The following WDFY2 variants were observed in gnomAD, a reference collection of about 807,000 sequenced individuals.
The protein encoded by WDFY2 is WD repeat and FYVE domain containing 2.
In WDFY2, 36 loss-of-function variants were observed where a neutral mutation model predicts 56.4. The observed-to-expected ratio is 0.64, with a 90% confidence interval of 0.49 to 0.84. The LOEUF is 0.84. WDFY2 is among the 40% of genes least tolerant of loss of function. The pLI is 0.00. For synonymous variants in WDFY2, 176 were observed against 183.7 expected, an observed-to-expected ratio of 0.96 and a Z score of 0.34; for missense variants, 444 against 512.2, an observed-to-expected ratio of 0.87 and a Z score of 1.29.
intron 1 of WDFY2, among the ~76,000 whole-genome samples, chr13:51,660,201 T>C (rs1317011988): frequency 7.2e-5 from 11 of 151,988 alleles, no homozygotes; most frequent in African/African-American, 2.7e-4. Flanking sequence ...TCTCTCTCTC[T>C]TATGTTTTTT....
intron 6 of WDFY2, among the ~76,000 whole-genome samples, chr13:51,734,168 A>G (rs1566201664): frequency 2.0e-5 from 3 of 152,118 alleles, no homozygotes; most frequent in African/African-American, 7.2e-5. Context: ...GCAGTTTCCA[A>G]CCCTGATTTT....
chr13:51,619,170 AGG>A (rs1473947777), intron 1 of WDFY2, among the ~76,000 whole-genome samples: 9 of 152,184 alleles, frequency 5.9e-5, no homozygotes. Flanking sequence ...AAAGAACTCG[AGG>A]CTGCATGTGG....
chr13:51,719,111 G>A, intron 4 of WDFY2, 87 bp from the exon 5 acceptor site: 1 of 1,563,090 alleles, frequency 6.4e-7, no homozygotes, highest in South Asian at 1.1e-5. Flanking sequence ...GGGGTGGGGA[G>A]AAGAGAATGG....
At chr13:51,661,304 T>C (rs1320853332) in intron 2 of WDFY2, among the ~76,000 whole-genome samples, 1 of 152,226 alleles carries the variant, frequency 6.6e-6, no homozygotes, top group Non-Finnish European at 1.5e-5. Flanking sequence ...CTTTTTAGTC[T>C]AGTCTTTTAT....
At chr13:51,739,229 G>A in intron 7 of WDFY2, 54 bp downstream of exon 7, 1 of 1,525,292 alleles carries the variant, frequency 6.6e-7, no homozygotes. Context: ...TCAGCTGACA[G>A]CTAGAACAAA....
chr13:51,695,355 T>G (rs887738801), intron 3 of WDFY2, among the ~76,000 whole-genome samples: 3 of 152,148 alleles, frequency 2.0e-5, no homozygotes, highest in Non-Finnish European at 2.9e-5. Context: ...TACAGATGGG[T>G]TTTTGGTGTG....
At chr13:51,743,592 C>T (rs915486274) in intron 7 of WDFY2, among the ~76,000 whole-genome samples, 2 of 152,150 alleles carry the variant, frequency 1.3e-5, no homozygotes, top group Non-Finnish European at 2.9e-5. Flanking sequence ...TGTAGAATTT[C>T]CTATGGAAAT....
At chr13:51,712,169 C>T (rs912060370) in intron 4 of WDFY2, among the ~76,000 whole-genome samples, 1 of 152,100 alleles carries the variant, frequency 6.6e-6, no homozygotes, top group Admixed American at 6.5e-5. Flanking sequence ...AAGCTGGAAA[C>T]CATCATTCTG....
chr13:51,654,638 A>G (rs1391204768), intron 1 of WDFY2, among the ~76,000 whole-genome samples: 1 of 152,200 alleles, frequency 6.6e-6, no homozygotes, highest in African/African-American at 2.4e-5. Context: ...TTCTTCAGGG[A>G]AAAATGTTTT....
chr13:51,646,240 C>G (rs1260052059), intron 1 of WDFY2, among the ~76,000 whole-genome samples: 2 of 152,346 alleles, frequency 1.3e-5, no homozygotes, highest in Middle Eastern at 6.8e-3. Context: ...GTTCTTTGTC[C>G]AGGCTGGATT....
chr13:51,765,413 TG>T lies in WDFY2; in HGVS notation c.*5647del, dbSNP rs1055700702. 5 of 152,190 alleles carry T rather than the reference TG, an allele frequency of 3.3e-5. No individual in the cohort carries two copies. Among genetic ancestry groups the T allele is most frequent in the Admixed American group, 2.6e-4 (4 of 15,286 alleles). 9.4% of individuals were successfully genotyped at this position (152,190 alleles called of 1,614,324 possible). A position where few individuals can be genotyped will look rare whatever the true frequency, so the allele number is the denominator to read the frequency against. ...AAATTAGATCGGTCCTAAATTGGAA[TG>T]GGATGTCTTCCTTGCATGTCCCATA... On this transcript the variant is annotated 3_prime_UTR_variant, in exon 12 of 12. Coordinates refer to ENST00000298125, the MANE Select transcript of WDFY2 (RefSeq NM_052950.4).
intron 1 of WDFY2, among the ~76,000 whole-genome samples, chr13:51,642,790 C>T (rs1955194035): frequency 6.7e-6 from 1 of 150,358 alleles, no homozygotes; most frequent in African/African-American, 2.5e-5. Context: ...AAGTGATTCT[C>T]CTGCCTCAGC....
rs1433266980 is a variant in WDFY2 at position 51,703,669 on chromosome 13, A to G, written c.334+19A>G. ...TATCAAGGTAGGGAGTGAGAGGAGT[A>G]CCTTCATTACCCAGATTCTAAAATA... is the stretch of plus-strand genomic sequence containing the variant. On this transcript the variant is annotated intron_variant, in intron 4 of 11. Transcript: ENST00000298125. 2 of 1,592,596 alleles carry G rather than the reference A, an allele frequency of 1.3e-6. No individual in the cohort carries two copies. The highest frequency in any genetic ancestry group is 1.7e-4 in the Middle Eastern group (1 of 6,004).
intron 3 of WDFY2, among the ~76,000 whole-genome samples, chr13:51,690,853 A>C (rs1346423580): frequency 2.0e-5 from 3 of 152,204 alleles, no homozygotes; most frequent in Admixed American, 6.5e-5. Flanking sequence ...CCTCTCCAGC[A>C]CCTGTTGTTT....
intron 1 of WDFY2, chr13:51,598,705 G>T (rs1487722372): frequency 6.6e-6 from 1 of 152,158 alleles, no homozygotes; most frequent in African/African-American, 2.4e-5. Context: ...TTATGCCGGA[G>T]AATTTTGCTA....
At chr13:51,710,038 A>G (rs942152495) in intron 4 of WDFY2, among the ~76,000 whole-genome samples, 2 of 152,232 alleles carry the variant, frequency 1.3e-5, no homozygotes, top group Non-Finnish European at 2.9e-5. Flanking sequence ...AAAATCCTCA[A>G]TAAAATACTG....
intron 1 of WDFY2, among the ~76,000 whole-genome samples, chr13:51,622,853 C>CT (rs59372497): frequency 0.023 from 2,953 of 130,814 alleles, 93 homozygotes; most frequent in East Asian, 0.12. Flanking sequence ...TAACTTTACA[C>CT]TTTTTTTTTT....
rs143436725 is a variant in WDFY2 at position 51,637,532 on chromosome 13, G to A, written c.138-23064G>A. On this transcript the variant is annotated intron_variant, in intron 1 of 11. Transcript: ENST00000298125. ...TTGTCAGCTACCATGTTAGAGAACT[G>A]AGTGTTACAGGAAAGAGGTCCCGAT... Among the ~76,000 whole-genome samples, 458 of 152,070 alleles carry A rather than the reference G, an allele frequency of 3.0e-3. 2 individuals are homozygous for A. The highest frequency in any genetic ancestry group is 0.01 in the African/African-American group (425 of 41,448).
intron 1 of WDFY2, chr13:51,591,987 G>A (rs1361646283): frequency 6.9e-6 from 1 of 145,528 alleles, no homozygotes; most frequent in Admixed American, 6.8e-5. Flanking sequence ...CAGAAAAAAA[G>A]TAGGAATGTT....
Sources: gnomAD v4.1 joint callset for allele counts (sites outside exome capture counted in the v4.1 genomes callset) on GRCh38, gnomAD v4.1.1 for gene constraint, MANE v1.5 for transcripts, NCBI Gene and HGNC (gene_info 2026-07-23, HGNC 2026-07-21) for gene names.